The following CDKAL1 variants were observed in gnomAD, a reference collection of about 807,000 sequenced individuals.
The protein encoded by CDKAL1 is CDKAL1 threonylcarbamoyladenosine tRNA methylthiotransferase, also known as threonylcarbamoyladenosine tRNA methylthiotransferase.
CDKAL1 carries 32 observed loss-of-function variants against 68.2 expected under a neutral mutation model. The ratio of observed to expected loss-of-function variants is 0.47; its 90% CI spans 0.35 to 0.63. The LOEUF is 0.63. Ranked by LOEUF, CDKAL1 falls within the 30% of genes least tolerant of loss-of-function variation. CDKAL1 has a pLI of 0.00. For synonymous variants in CDKAL1, 234 were observed against 244.3 expected (o/e 0.96, Z 0.39); for missense variants, 606 against 696.7 (o/e 0.87, Z 1.47).
At chr6:21,040,706 A>T (rs1027361568) in intron 11 of CDKAL1, among the ~76,000 whole-genome samples, 2 of 152,200 alleles carry the variant, frequency 1.3e-5, no homozygotes, top group Non-Finnish European at 2.9e-5. Context: ...CTTCAAAGCG[A>T]ACTTTTTCTC....
At chr6:20,737,355 G>A (rs1773242363) in intron 5 of CDKAL1, among the ~76,000 whole-genome samples, 1 of 152,210 alleles carries the variant, frequency 6.6e-6, no homozygotes, top group Non-Finnish European at 1.5e-5. Flanking sequence ...TAAACCATAA[G>A]CTTGTTGAGT....
chr6:20,898,985 G>C (rs927951079), intron 9 of CDKAL1, among the ~76,000 whole-genome samples: 1 of 151,634 alleles, frequency 6.6e-6, no homozygotes, highest in African/African-American at 2.4e-5. Context: ...TGCGTGACTT[G>C]CTCATGTTAT....
intron 5 of CDKAL1, chr6:20,722,576 G>C (rs1217086274): frequency 3.8e-6 from 1 of 265,648 alleles, no homozygotes; most frequent in Non-Finnish European, 7.3e-6. Flanking sequence ...CCTTGTAGTA[G>C]AGGCAGGAGG....
intron 13 of CDKAL1, among the ~76,000 whole-genome samples, chr6:21,187,813 A>G (rs1349388027): frequency 1.3e-5 from 2 of 152,168 alleles, no homozygotes; most frequent in Non-Finnish European, 2.9e-5. Flanking sequence ...TTCTACAAGC[A>G]CCTTCCAAGA....
chr6:21,060,304 A>G (rs935765517), intron 11 of CDKAL1, among the ~76,000 whole-genome samples: 1 of 152,024 alleles, frequency 6.6e-6, no homozygotes, highest in Non-Finnish European at 1.5e-5. Context: ...GAATTTGCCC[A>G]TTTTATCTAA....
chr6:21,130,221 CT>C (rs10708944), intron 13 of CDKAL1, among the ~76,000 whole-genome samples: 36,948 of 115,262 alleles, frequency 0.32, 4,492 homozygotes, highest in Admixed American at 0.39. Flanking sequence ...TTGGACCTAA[CT>C]TTTTTTTTTT....
Position 20,639,756 on chromosome 6 carries a change from C to T in CDKAL1, c.287-9537C>T, listed in dbSNP as rs143415654. Among the ~76,000 whole-genome samples the T allele has an allele frequency of 2.5e-3, 376 of 152,262 alleles. 2 individuals carry two copies. The highest frequency in any genetic ancestry group is 8.6e-3 in the African/African-American group (358 of 41,548). On this transcript the variant is annotated intron_variant, in intron 4 of 15. Transcript: ENST00000274695. ...TGCGATCTCGGCTCACTGCAACCTC[C>T]GCCTCCCATGTTCAAGTGATTCTTC... is the stretch of plus-strand genomic sequence containing the variant.
chr6:20,818,796 A>G (rs995437179), intron 8 of CDKAL1, among the ~76,000 whole-genome samples: 4 of 151,760 alleles, frequency 2.6e-5, no homozygotes, highest in Non-Finnish European at 5.9e-5. Flanking sequence ...CTCTGTTGTC[A>G]TGGAGTCACA....
intron 10 of CDKAL1, among the ~76,000 whole-genome samples, chr6:20,957,008 TAAA>T (rs70990087): frequency 4.4e-5 from 5 of 113,824 alleles, no homozygotes; most frequent in Admixed American, 2.0e-4. Flanking sequence ...TGATTCTCTG[TAAA>T]AAAAAAAAAA....
intron 9 of CDKAL1, among the ~76,000 whole-genome samples, chr6:20,914,401 C>T (rs1762626057): frequency 6.6e-6 from 1 of 152,200 alleles, no homozygotes; most frequent in South Asian, 2.1e-4. Flanking sequence ...ACACTTCCAT[C>T]TTTTAATCTC....
intron 10 of CDKAL1, among the ~76,000 whole-genome samples, chr6:20,960,631 A>G (rs1206370889): frequency 6.6e-6 from 1 of 152,204 alleles, no homozygotes; most frequent in African/African-American, 2.4e-5. Context: ...CACCTAATAA[A>G]TGTTTACTGA....
intron 10 of CDKAL1, among the ~76,000 whole-genome samples, chr6:20,994,525 T>C (rs1767001831): frequency 6.6e-6 from 1 of 152,122 alleles, no homozygotes; most frequent in Non-Finnish European, 1.5e-5. Flanking sequence ...ATCTCAAGCT[T>C]CAGCATACCT....
chr6:21,107,858 C>T (rs970728873), intron 12 of CDKAL1, among the ~76,000 whole-genome samples: 2 of 152,156 alleles, frequency 1.3e-5, no homozygotes, highest in African/African-American at 4.8e-5. Context: ...TTATTGAGTG[C>T]CTGCTGTGTG....
At chr6:20,886,093 G>T (rs1342225275) in intron 9 of CDKAL1, among the ~76,000 whole-genome samples, 1 of 152,078 alleles carries the variant, frequency 6.6e-6, no homozygotes, top group Non-Finnish European at 1.5e-5. Flanking sequence ...TTAGAAAATG[G>T]ACAAAAGATT....
At chr6:20,862,386 C>T (rs1021173613) in intron 9 of CDKAL1, among the ~76,000 whole-genome samples, 9 of 152,308 alleles carry the variant, frequency 5.9e-5, no homozygotes, top group African/African-American at 1.4e-4. Flanking sequence ...AAGAAAGTTA[C>T]TTACTCTTAT....
intron 9 of CDKAL1, among the ~76,000 whole-genome samples, chr6:20,878,634 A>C (rs1346298303): frequency 6.6e-6 from 1 of 151,998 alleles, no homozygotes; most frequent in Non-Finnish European, 1.5e-5. Context: ...CCAGCTATTC[A>C]GGAGGCTGAG....
At chr6:20,639,099 G>A (rs1231879743) in intron 4 of CDKAL1, among the ~76,000 whole-genome samples, 1 of 152,096 alleles carries the variant, frequency 6.6e-6, no homozygotes, top group Non-Finnish European at 1.5e-5. Flanking sequence ...ACTTAGCTAT[G>A]GGGTAATAGC....
chr6:21,100,786 T>G (rs1197091254), intron 12 of CDKAL1, among the ~76,000 whole-genome samples: 2 of 152,116 alleles, frequency 1.3e-5, no homozygotes, highest in Non-Finnish European at 2.9e-5. Context: ...TTCCAGGGAC[T>G]TTTTTTCCCT....
intron 4 of CDKAL1, among the ~76,000 whole-genome samples, chr6:20,596,734 T>C (rs1765842937): frequency 6.6e-6 from 1 of 152,174 alleles, no homozygotes; most frequent in African/African-American, 2.4e-5. Context: ...TGCAGCTAGC[T>C]CAGTGTCTGA....
Sources: allele counts gnomAD v4.1 joint callset (sites outside exome capture counted in the v4.1 genomes callset), GRCh38; gene constraint gnomAD v4.1.1; transcripts MANE v1.5; gene names NCBI Gene and HGNC (gene_info 2026-07-23, HGNC 2026-07-21).